The following ZNF407 variants were observed in gnomAD, a reference collection of about 807,000 sequenced individuals.
ZNF407 encodes the protein zinc finger protein 407.
In ZNF407, 17 loss-of-function variants were observed where a neutral mutation model predicts 131.2. That is an observed-to-expected ratio of 0.13 (90% confidence interval 0.09 to 0.19). The LOEUF is 0.19. Ranked by LOEUF, ZNF407 falls within the 10% of genes least tolerant of loss-of-function variation. The pLI, the probability that ZNF407 is intolerant of heterozygous loss-of-function variation, is 1.00. For synonymous variants in ZNF407, 1,156 were observed against 1,062.0 expected (o/e 1.09, Z -1.72); for missense variants, 2,681 against 2,830.6 (o/e 0.95, Z 1.20).
chr18:74,893,713 A>T (rs2145200218), intron 7 of ZNF407, among the ~76,000 whole-genome samples: 1 of 152,310 alleles, frequency 6.6e-6, no homozygotes, highest in East Asian at 1.9e-4. Flanking sequence ...TTATTTTCAT[A>T]GATTTAATAA....
chr18:74,940,914 GGTT>G (rs1246810076), intron 8 of ZNF407, among the ~76,000 whole-genome samples: 2 of 152,076 alleles, frequency 1.3e-5, no homozygotes, highest in African/African-American at 2.4e-5. Context: ...AGTTTTCTTT[GGTT>G]GTTTGTTCTA....
intron 3 of ZNF407, among the ~76,000 whole-genome samples, chr18:74,714,451 A>T (rs1049736518): frequency 6.6e-6 from 1 of 152,232 alleles, no homozygotes; most frequent in African/African-American, 2.4e-5. Context: ...TCATTTTTGC[A>T]TTCATATTTT....
At chr18:74,786,265 C>A (rs976514076) in intron 4 of ZNF407, among the ~76,000 whole-genome samples, 1 of 152,084 alleles carries the variant, frequency 6.6e-6, no homozygotes, top group Non-Finnish European at 1.5e-5. Flanking sequence ...TCCATTTTAT[C>A]ATTGAAATGG....
At chr18:74,795,702 T>C (rs1969906472) in intron 4 of ZNF407, among the ~76,000 whole-genome samples, 2 of 152,228 alleles carry the variant, frequency 1.3e-5, no homozygotes, top group Non-Finnish European at 2.9e-5. Flanking sequence ...ATGTACTGAA[T>C]TGTGTATGAG....
intron 3 of ZNF407, among the ~76,000 whole-genome samples, chr18:74,707,229 G>C (rs1967648004): frequency 6.6e-6 from 1 of 152,148 alleles, no homozygotes; most frequent in Non-Finnish European, 1.5e-5. Context: ...GGGATTACAG[G>C]AGTGAGTCAC....
intron 8 of ZNF407, among the ~76,000 whole-genome samples, chr18:74,998,801 G>A (rs549778935): frequency 2.3e-4 from 18 of 79,856 alleles, no homozygotes; most frequent in African/African-American, 9.2e-4. Flanking sequence ...GATTCCTCAG[G>A]GATCTAGAAC....
At position 74,665,325 on chromosome 18, in the gene ZNF407, G is replaced by T. The variant is rs572060923; in HGVS notation, c.4802+24203G>T. ...TTTCTGCCCCACTGCCCTCAGAGCAGGGCCTTCACTTTCCACATTATCTCA... is the reference window on the plus strand; with the variant it reads ...TTTCTGCCCCACTGCCCTCAGAGCATGGCCTTCACTTTCCACATTATCTCA... On this transcript the variant is annotated intron_variant, in intron 3 of 8. Transcript: ENST00000299687. 4.6e-5 allele frequency among the ~76,000 whole-genome samples: 7 copies of T among 152,284 alleles called. 1 individual carries two copies. In the South Asian group the frequency reaches 1.5e-3, roughly 32 times the overall value.
chr18:74,882,187 G>A (rs973006408), intron 6 of ZNF407, among the ~76,000 whole-genome samples: 2 of 152,150 alleles, frequency 1.3e-5, no homozygotes, highest in African/African-American at 4.8e-5. Flanking sequence ...AAATTGTATT[G>A]CCTACTTTAT....
At chr18:74,984,233 G>T (rs963180295) in intron 8 of ZNF407, among the ~76,000 whole-genome samples, 1 of 152,094 alleles carries the variant, frequency 6.6e-6, no homozygotes, top group Non-Finnish European at 1.5e-5. Context: ...CTAAGCCTGC[G>T]CTGCCCCTCA....
In ZNF407 at chr18:74,916,606, A is replaced by G. The variant is rs373227086; in HGVS notation, c.5250-3908A>G. Among the ~76,000 whole-genome samples, 150 of 72,426 alleles carry G rather than the reference A, an allele frequency of 2.1e-3. 7 individuals carry two copies. Among genetic ancestry groups the G allele is most frequent in the African/African-American group, 8.1e-3 (130 of 16,116 alleles). 47.5% of individuals were successfully genotyped at this position (72,426 alleles called of 152,430 possible). On this transcript the variant is annotated intron_variant, in intron 7 of 8. Coordinates refer to ENST00000299687, the MANE Select transcript of ZNF407 (RefSeq NM_017757.3). ...GTGTGTGCTGGTATGGTGAGGTTGT[A>G]TGCAGCATTGGTTCGAATCGGGAGT... is the stretch of plus-strand genomic sequence containing the variant.
intron 8 of ZNF407, among the ~76,000 whole-genome samples, chr18:75,027,850 A>G (rs1424704086): frequency 6.6e-6 from 1 of 152,204 alleles, no homozygotes; most frequent in African/African-American, 2.4e-5. Flanking sequence ...TCCAGAAGAA[A>G]GAGATGGTCA....
At chr18:75,047,345 C>T (rs1431423523) in intron 8 of ZNF407, among the ~76,000 whole-genome samples, 2 of 152,144 alleles carry the variant, frequency 1.3e-5, no homozygotes, top group Admixed American at 6.5e-5. Context: ...AAAGCAGGGA[C>T]GGCCCTTCCT....
intron 3 of ZNF407, among the ~76,000 whole-genome samples, chr18:74,664,627 T>C (rs1391681859): frequency 6.6e-6 from 1 of 152,194 alleles, no homozygotes; most frequent in Non-Finnish European, 1.5e-5. Flanking sequence ...CTTAATAAGT[T>C]GAAGAAATAG....
At chr18:74,902,212 G>A (rs577517342) in intron 7 of ZNF407, among the ~76,000 whole-genome samples, 5 of 152,290 alleles carry the variant, frequency 3.3e-5, no homozygotes, top group South Asian at 4.1e-4. Context: ...TGGCCTGCGT[G>A]GAGGTTTTGA....
Position 74,634,210 on chromosome 18 carries a change from A to T in ZNF407, c.3191A>T (p.His1064Leu). The T allele has an allele frequency of 1.2e-6, 2 of 1,614,062 alleles. No homozygotes were observed. The highest frequency in any genetic ancestry group is 1.7e-6 in the Non-Finnish European group (2 of 1,179,900). ...GTGACTCGTCGCGAGATGACCAGGCATGCAGCAACAGAGAAGCACAAAATG... is the reference window on the plus strand; with the variant it reads ...GTGACTCGTCGCGAGATGACCAGGCTTGCAGCAACAGAGAAGCACAAAATG... ...YAVTRREMTR[H>L]AATEKHKMKR... Residue 1064 changes from histidine (H) to leucine (L), a missense_variant, in exon 2 of 9, where the codon CAT becomes CTT. Physicochemically the swap from His to Leu is moderately conservative, Grantham distance 99. Around this residue, in one of 6 missense-constraint regions of ZNF407, gnomAD observed 1,789 missense variants for 1,748.7 expected, o/e 1.02. Coordinates refer to ENST00000299687, the MANE Select transcript of ZNF407 (RefSeq NM_017757.3).
intron 8 of ZNF407, among the ~76,000 whole-genome samples, chr18:75,000,956 A>G (rs1206425590): frequency 2.0e-5 from 3 of 152,132 alleles, no homozygotes; most frequent in Non-Finnish European, 2.9e-5. Flanking sequence ...AAATATCCTC[A>G]CAGACCCTGT....
chr18:74,719,403 TTAC>T (rs1185678198), intron 3 of ZNF407, among the ~76,000 whole-genome samples: 1 of 152,026 alleles, frequency 6.6e-6, no homozygotes, highest in Non-Finnish European at 1.5e-5. Context: ...ACTTACTTAC[TTAC>T]TTATTTATTT....
intron 8 of ZNF407, among the ~76,000 whole-genome samples, chr18:74,980,099 GA>G (rs5826358): frequency 1.6e-4 from 24 of 150,038 alleles, no homozygotes; most frequent in African/African-American, 4.9e-5. Flanking sequence ...TCCACTGTTG[GA>G]AAAAAAAATG....
intron 3 of ZNF407, among the ~76,000 whole-genome samples, chr18:74,773,447 C>T (rs931008706): frequency 7.0e-6 from 1 of 143,802 alleles, no homozygotes; most frequent in South Asian, 2.2e-4. Flanking sequence ...TCAGTAGAAG[C>T]CAAGTTATTA....
Sources: allele counts gnomAD v4.1 joint callset (sites outside exome capture counted in the v4.1 genomes callset), GRCh38; gene constraint gnomAD v4.1.1; regional missense constraint gnomAD v4.1.1; transcripts MANE v1.5; gene names NCBI Gene and HGNC (gene_info 2026-07-23, HGNC 2026-07-21).